The following CLASP1 variants were observed in gnomAD, a reference collection of about 807,000 sequenced individuals.
CLASP1 encodes CLIP-associating protein 1.
A neutral mutation model predicts 192.3 loss-of-function variants in CLASP1; 38 were observed. The ratio of observed to expected loss-of-function variants is 0.20; its 90% CI spans 0.15 to 0.26. The LOEUF (loss-of-function observed/expected upper bound fraction) is 0.26. CLASP1 is among the 10% of genes least tolerant of loss of function. The pLI is 1.00. For synonymous variants in CLASP1, 691 were observed against 712.8 expected, an observed-to-expected ratio of 0.97 and a Z score of 0.49; for missense variants, 1,433 against 1,932.5, an observed-to-expected ratio of 0.74 and a Z score of 4.85.
At chr2:121,462,898 T>C (rs2088407467) in intron 9 of CLASP1, among the ~76,000 whole-genome samples, 1 of 152,154 alleles carries the variant, frequency 6.6e-6, no homozygotes, top group African/African-American at 2.4e-5. Context: ...TGTATTAACA[T>C]ACAAGTCCTT....
intron 21 of CLASP1, among the ~76,000 whole-genome samples, chr2:121,427,130 A>G (rs2080539457): frequency 6.6e-6 from 1 of 152,120 alleles, no homozygotes; most frequent in Non-Finnish European, 1.5e-5. Context: ...TTAACTAAAA[A>G]TTGAAGTGAA....
chr2:121,347,643 C>A (rs1267697404), intron 38 of CLASP1, among the ~76,000 whole-genome samples: 2 of 152,226 alleles, frequency 1.3e-5, no homozygotes, highest in Non-Finnish European at 2.9e-5. Flanking sequence ...GTCCCACAGC[C>A]TGATGTCCGT....
At chr2:121,621,893 G>T in intron 1 of CLASP1, among the ~76,000 whole-genome samples, 1 of 152,144 alleles carries the variant, frequency 6.6e-6, no homozygotes, top group East Asian at 1.9e-4. Context: ...TGTCACCCAG[G>T]CTGGAGAGCA....
intron 1 of CLASP1, among the ~76,000 whole-genome samples, chr2:121,624,067 T>C (rs532846223): frequency 3.3e-5 from 5 of 152,300 alleles, no homozygotes; most frequent in Admixed American, 2.6e-4. Context: ...GTTTGTGCAT[T>C]TTGTTGATCT....
At chr2:121,543,370 TC>T (rs1386303367) in intron 2 of CLASP1, among the ~76,000 whole-genome samples, 1 of 152,168 alleles carries the variant, frequency 6.6e-6, no homozygotes, top group Non-Finnish European at 1.5e-5. Context: ...TATTTGTGGG[TC>T]ATATCCAGTC....
intron 1 of CLASP1, among the ~76,000 whole-genome samples, chr2:121,632,825 G>A (rs1419632135): frequency 6.6e-6 from 1 of 151,858 alleles, no homozygotes; most frequent in Non-Finnish European, 1.5e-5. Flanking sequence ...GAACCTGGGA[G>A]GTGGAGGTTG....
intron 34 of CLASP1, among the ~76,000 whole-genome samples, chr2:121,373,314 C>A (rs1227960441): frequency 5.9e-5 from 9 of 152,182 alleles, no homozygotes; most frequent in Non-Finnish European, 1.2e-4. Flanking sequence ...GCCTCCCCAG[C>A]CAGGCCTCCG....
intron 37 of CLASP1, among the ~76,000 whole-genome samples, chr2:121,356,856 T>C (rs1404728698): frequency 6.6e-6 from 1 of 152,188 alleles, no homozygotes; most frequent in Non-Finnish European, 1.5e-5. Context: ...TGTTCTACTC[T>C]AAGGGGTAGA....
intron 16 of CLASP1, among the ~76,000 whole-genome samples, chr2:121,449,583 ATAAT>A (rs2085020273): frequency 7.5e-6 from 1 of 133,326 alleles, no homozygotes; most frequent in African/African-American, 2.8e-5. Context: ...GTATCACATT[ATAAT>A]TAAAGACCAA....
chr2:121,566,816 A>T (rs1309919581), intron 2 of CLASP1, among the ~76,000 whole-genome samples: 2 of 152,180 alleles, frequency 1.3e-5, no homozygotes, highest in East Asian at 3.8e-4. Flanking sequence ...CTCATCCCCA[A>T]GTTGGCTGAG....
chr2:121,454,159 C>G (rs74774677), intron 14 of CLASP1, among the ~76,000 whole-genome samples: 2,055 of 151,926 alleles, frequency 0.014, 42 homozygotes, highest in African/African-American at 0.046. Flanking sequence ...CCCACCCCCC[C>G]CTCCAAAATT....
chr2:121,643,502 C>T (rs1353265392), intron 1 of CLASP1, among the ~76,000 whole-genome samples: 4 of 152,176 alleles, frequency 2.6e-5, no homozygotes, highest in Admixed American at 6.5e-5. Context: ...TTGATAGGAT[C>T]GTGATGCTAT....
chr2:121,637,327 C>A (rs2071074822), intron 1 of CLASP1, among the ~76,000 whole-genome samples: 1 of 151,966 alleles, frequency 6.6e-6, no homozygotes, highest in Non-Finnish European at 1.5e-5. Flanking sequence ...ATAAATGCCA[C>A]TCAGGGATAC....
intron 2 of CLASP1, among the ~76,000 whole-genome samples, chr2:121,541,592 C>T (rs2095234839): frequency 6.6e-6 from 1 of 152,058 alleles, no homozygotes. Context: ...AGCTTAAGAC[C>T]TTCTCTGCCA....
rs1559368326 is a variant in CLASP1, at chr2:121,478,852, A to AC, written c.713-8893dup. On this transcript the variant is annotated intron_variant, in intron 8 of 39. Transcript: ENST00000263710. ...ACACCACACACCACACACACACCACACACCACACCACACACACACCACACC... is the reference window on the plus strand; with the variant it reads ...ACACCACACACCACACACACACCACACCACCACACCACACACACACCACACC... 7.0e-3 allele frequency among the ~76,000 whole-genome samples: 690 copies of AC among 98,084 alleles called. 17 individuals carry two copies. The highest frequency in any genetic ancestry group is 0.054 in the East Asian group (135 of 2,504). 64.3% of individuals were successfully genotyped at this position (98,084 alleles called of 152,430 possible).
intron 2 of CLASP1, among the ~76,000 whole-genome samples, chr2:121,534,680 T>C (rs1037896774): frequency 2.0e-5 from 3 of 151,876 alleles, no homozygotes; most frequent in African/African-American, 7.3e-5. Flanking sequence ...TGGGACGTGT[T>C]ATCAGCCCAG....
intron 19 of CLASP1, among the ~76,000 whole-genome samples, chr2:121,440,652 T>A (rs1484395300): frequency 6.6e-6 from 1 of 152,170 alleles, no homozygotes; most frequent in Non-Finnish European, 1.5e-5. Flanking sequence ...GATCATGCCA[T>A]TGTACTCTAA....
intron 39 of CLASP1, among the ~76,000 whole-genome samples, chr2:121,341,279 C>T (rs995596595): frequency 2.0e-5 from 3 of 152,164 alleles, no homozygotes; most frequent in East Asian, 3.9e-4. Flanking sequence ...ATCTCAAGCA[C>T]GACTGCAGCC....
chr2:121,536,860 C>T lies in CLASP1; in HGVS notation c.196-6535G>A, dbSNP rs147132339. Among the ~76,000 whole-genome samples the T allele has an allele frequency of 6.4e-3, 978 of 152,234 alleles. 6 individuals carry two copies. Among genetic ancestry groups the T allele is most frequent in the Non-Finnish European group, 0.011 (763 of 68,018 alleles). ...AAGAGAAAAACATTATGGAAAGAGACGTTGGTGATGGTTGCATAATTCAAA... is the reference window on the plus strand; with the variant it reads ...AAGAGAAAAACATTATGGAAAGAGATGTTGGTGATGGTTGCATAATTCAAA... On this transcript the variant is annotated intron_variant, in intron 2 of 39. Transcript: ENST00000263710.
Sources: allele counts gnomAD v4.1 joint callset (sites outside exome capture counted in the v4.1 genomes callset), GRCh38; gene constraint gnomAD v4.1.1; transcripts MANE v1.5; gene names NCBI Gene and HGNC (gene_info 2026-07-23, HGNC 2026-07-21).